The following DHRS7B variants were observed in gnomAD, a reference collection of about 807,000 sequenced individuals.
DHRS7B encodes peroxisomal reductase activating PPAR-gamma.
Under a neutral mutation model 26.4 loss-of-function variants are expected in DHRS7B, and 24 were observed. The ratio of observed to expected loss-of-function variants is 0.91; its 90% CI spans 0.66 to 1.28. DHRS7B has a LOEUF of 1.28. DHRS7B is among the 50% of genes most tolerant of loss of function. DHRS7B has a pLI of 0.00. For missense variants in DHRS7B, 368 were observed against 419.4 expected, an observed-to-expected ratio of 0.88 and a Z score of 1.07; for synonymous variants, 142 against 166.4, an observed-to-expected ratio of 0.85 and a Z score of 1.13.
At chr17:21,133,189 C>A (rs1199003654) in intron 1 of DHRS7B, among the ~76,000 whole-genome samples, 1 of 152,160 alleles carries the variant, frequency 6.6e-6, no homozygotes, top group East Asian at 1.9e-4. Flanking sequence ...ATGTATGGTA[C>A]TGTGAACCCA....
chr17:21,153,805 A>G (rs764337161), intron 1 of DHRS7B, among the ~76,000 whole-genome samples: 12 of 152,152 alleles, frequency 7.9e-5, no homozygotes, highest in Non-Finnish European at 1.6e-4. Flanking sequence ...CACCTACAAA[A>G]GGTCACAACT....
At chr17:21,163,187 C>A (rs1974036329) in intron 1 of DHRS7B, among the ~76,000 whole-genome samples, 1 of 131,292 alleles carries the variant, frequency 7.6e-6, no homozygotes, top group African/African-American at 2.7e-5. Context: ...CAGAGCAAGA[C>A]TGTCTCAAAA....
intron 2 of DHRS7B, among the ~76,000 whole-genome samples, chr17:21,177,625 C>T (rs1378725341): frequency 6.6e-6 from 1 of 152,154 alleles, no homozygotes; most frequent in East Asian, 1.9e-4. Flanking sequence ...GACTTGACCC[C>T]TCCCCAGCCA....
chr17:21,130,317 A>G (rs1486270928), intron 1 of DHRS7B, among the ~76,000 whole-genome samples: 3 of 152,164 alleles, frequency 2.0e-5, no homozygotes. Context: ...TTGAACTGGG[A>G]AGCAGAGGTT....
chr17:21,188,893 A>T (rs982345425), intron 6 of DHRS7B, 30 bp downstream of exon 6: 2 of 1,613,844 alleles, frequency 1.2e-6, no homozygotes, highest in African/African-American at 2.7e-5. Flanking sequence ...TTCTCCTATG[A>T]AAATCTGTCG....
At chr17:21,155,322 T>C (rs1057113641) in intron 1 of DHRS7B, among the ~76,000 whole-genome samples, 2 of 152,116 alleles carry the variant, frequency 1.3e-5, no homozygotes, top group Non-Finnish European at 2.9e-5. Context: ...CTAACACTAA[T>C]TAAAGAAAGT....
chr17:21,146,364 G>A (rs1379614727), intron 1 of DHRS7B, among the ~76,000 whole-genome samples: 1 of 152,154 alleles, frequency 6.6e-6, no homozygotes, highest in East Asian at 1.9e-4. Context: ...TCACACTACT[G>A]CACTCCAGCC....
rs1207234984 is a variant in DHRS7B at position 21,138,091 on chromosome 17, T to TACACACACACAC, written c.20+11101_20+11102insCACACACACACA. On this transcript the variant is annotated intron_variant, in intron 1 of 6. Transcript: ENST00000395511. ...TAAAAAAAAAATATATATATATATA[T>TACACACACACAC]ATATATATATACACACACACACACA... Among the ~76,000 whole-genome samples, 237 of 53,278 alleles carry TACACACACACAC rather than the reference T, an allele frequency of 4.4e-3. 1 individual carries two copies. The highest frequency in any genetic ancestry group is 0.016 in the African/African-American group (223 of 13,628). 35.0% of individuals were successfully genotyped at this position (53,278 alleles called of 152,430 possible). A position where few individuals can be genotyped will look rare whatever the true frequency, so the allele number is the denominator to read the frequency against.
In DHRS7B at chr17:21,141,643, A is replaced by G. The variant is rs56723198; in HGVS notation, c.20+14652A>G. 7.9e-3 allele frequency among the ~76,000 whole-genome samples: 1,155 copies of G among 147,036 alleles called. 18 individuals are homozygous for G. Among genetic ancestry groups the G allele is most frequent in the African/African-American group, 0.027 (1,064 of 39,374 alleles). On this transcript the variant is annotated intron_variant, in intron 1 of 6. Transcript: ENST00000395511. ...GCAAAAAAAAAAAAAAAAAAAAACA[A>G]CCTCATCTCAAACTCCACAAAGGAG...
chr17:21,167,210 A>ATAGGGTGGATGAG (rs1974133950), intron 1 of DHRS7B, among the ~76,000 whole-genome samples: 2 of 152,166 alleles, frequency 1.3e-5, no homozygotes, highest in Non-Finnish European at 2.9e-5. Context: ...GATGAGCTGC[A>ATAGGGTGGATGAG]CAAATGGATG....
chr17:21,142,686 C>T (rs1222305810), intron 1 of DHRS7B, among the ~76,000 whole-genome samples: 8 of 151,964 alleles, frequency 5.3e-5, no homozygotes, highest in Non-Finnish European at 1.0e-4. Context: ...CCCCTCACCC[C>T]CCTCCCCCGC....
intron 4 of DHRS7B, 115 bp downstream of exon 4, chr17:21,183,925 TG>T: frequency 1.1e-6 from 1 of 903,036 alleles, no homozygotes. Context: ...TGCCCTGGAG[TG>T]GGTGTTAGGT....
chr17:21,184,617 TG>T (rs1421991499), intron 5 of DHRS7B, among the ~76,000 whole-genome samples, 154 bp downstream of exon 5: 1 of 152,244 alleles, frequency 6.6e-6, no homozygotes, highest in Non-Finnish European at 1.5e-5. Context: ...GCCACATGCC[TG>T]GGATCAAATC....
intron 5 of DHRS7B, 27 bp from the exon 6 acceptor site, chr17:21,188,684 C>A: frequency 6.4e-7 from 1 of 1,553,634 alleles, no homozygotes; most frequent in South Asian, 1.3e-5. Flanking sequence ...CGCACTCAGT[C>A]ACCTGCCTCT....
chr17:21,149,445 G>T (rs1032226904), intron 1 of DHRS7B, among the ~76,000 whole-genome samples: 2 of 152,138 alleles, frequency 1.3e-5, no homozygotes, highest in African/African-American at 2.4e-5. Flanking sequence ...AGTTAAGTAC[G>T]TGGACAAACC....
At chr17:21,145,579 C>T (rs1435669816) in intron 1 of DHRS7B, among the ~76,000 whole-genome samples, 1 of 152,208 alleles carries the variant, frequency 6.6e-6, no homozygotes, top group Non-Finnish European at 1.5e-5. Context: ...GAAATTTAAA[C>T]TACAGATGGT....
chr17:21,168,620 C>A, intron 1 of DHRS7B: 1 of 656,856 alleles, frequency 1.5e-6, no homozygotes, highest in Non-Finnish European at 1.9e-6. Flanking sequence ...CCCCCTACCT[C>A]AGCCTCCCAA....
At chr17:21,187,113 A>AT (rs56182818) in intron 5 of DHRS7B, among the ~76,000 whole-genome samples, 26 of 140,564 alleles carry the variant, frequency 1.8e-4, no homozygotes, top group South Asian at 1.5e-3. Context: ...ATATATATAT[A>AT]AAATATATAA....
chr17:21,132,546 AAAAC>A (rs1229965094), intron 1 of DHRS7B, among the ~76,000 whole-genome samples: 20 of 147,502 alleles, frequency 1.4e-4, no homozygotes, highest in African/African-American at 5.2e-4. Context: ...AAAAAAAAAA[AAAAC>A]AAAAAAAAAA....
Sources: gnomAD v4.1 joint callset for allele counts (sites outside exome capture counted in the v4.1 genomes callset) on GRCh38, gnomAD v4.1.1 for gene constraint, MANE v1.5 for transcripts, NCBI Gene and HGNC (gene_info 2026-07-23, HGNC 2026-07-21) for gene names.